CALM2: variants seen among roughly 807,000 people sequenced by gnomAD.
CALM2 encodes the protein calmodulin-2.
In CALM2, 2 loss-of-function variants were observed where a neutral mutation model predicts 19.8. That is an observed-to-expected ratio of 0.10 (90% CI 0.04 to 0.32). The LOEUF (loss-of-function observed/expected upper bound fraction) is 0.32, where lower values mean the gene tolerates loss of function less well. CALM2 is among the 10% of genes least tolerant of loss of function. The pLI, the probability that CALM2 is intolerant of heterozygous loss-of-function variation, is 1.00. For missense variants in CALM2, 38 were observed against 178.7 expected, an observed-to-expected ratio of 0.21 and a Z score of 4.49; for synonymous variants, 51 against 52.1, an observed-to-expected ratio of 0.98 and a Z score of 0.09.
At chr2:47,175,141 G>A (rs145381302) in intron 1 of CALM2, among the ~76,000 whole-genome samples, 2,903 of 139,702 alleles carry the variant, frequency 0.021, 48 homozygotes, top group Non-Finnish European at 0.032. Flanking sequence ...ACCGGAAAAT[G>A]CTTTTAAAAA....
At chr2:47,173,121 G>C (rs1466919499) in intron 1 of CALM2, 1 of 152,226 alleles carries the variant, frequency 6.6e-6, no homozygotes, top group East Asian at 1.9e-4. Context: ...CTTATCCAGA[G>C]TTCAGGTTTT....
intron 1 of CALM2, 111 bp downstream of exon 1, chr2:47,176,330 C>G: frequency 7.4e-7 from 1 of 1,359,638 alleles, no homozygotes; most frequent in Non-Finnish European, 1.0e-6. Context: ...ATCCCTCTGG[C>G]AGAAACCACT....
intron 2 of CALM2, among the ~76,000 whole-genome samples, chr2:47,166,568 A>C (rs1180515643): frequency 6.6e-6 from 1 of 152,238 alleles, no homozygotes; most frequent in Non-Finnish European, 1.5e-5. Context: ...AGGAACAAAT[A>C]ACATTTCTTT....
intron 1 of CALM2, chr2:47,171,504 G>T (rs556536104): frequency 3.9e-5 from 6 of 152,272 alleles, no homozygotes; most frequent in African/African-American, 1.4e-4. Context: ...TGGGATTGGG[G>T]CACAGAAAAT....
chr2:47,174,932 C>T (rs1361443457), intron 1 of CALM2, among the ~76,000 whole-genome samples: 1 of 152,088 alleles, frequency 6.6e-6, no homozygotes, highest in Non-Finnish European at 1.5e-5. Flanking sequence ...ATCGTCTCCC[C>T]ACACCCATAC....
chr2:47,162,740 A>G (rs1687194693), intron 2 of CALM2, 78 bp from the exon 3 acceptor site: 2 of 1,221,288 alleles, frequency 1.6e-6, no homozygotes, highest in Non-Finnish European at 2.3e-6. Context: ...ATTAACTCTT[A>G]AAGCCTACTC....
chr2:47,174,752 TAA>T (rs201317996), intron 1 of CALM2, among the ~76,000 whole-genome samples: 1 of 148,454 alleles, frequency 6.7e-6, no homozygotes, highest in East Asian at 1.9e-4. Context: ...TTCGTTTATT[TAA>T]AAAAAAAAGC....
intron 1 of CALM2, among the ~76,000 whole-genome samples, chr2:47,175,081 G>GTTTTTGTT (rs1553433852): frequency 1.3e-5 from 1 of 77,964 alleles, no homozygotes; most frequent in East Asian, 3.3e-4. Flanking sequence ...CTCATTAGGT[G>GTTTTTGTT]TTTTTTTTTT....
At chr2:47,171,765 A>C (rs914969891) in intron 1 of CALM2, 1 of 152,214 alleles carries the variant, frequency 6.6e-6, no homozygotes, top group African/African-American at 2.4e-5. Flanking sequence ...AGTCAAGTAT[A>C]CAATGATTAA....
intron 1 of CALM2, chr2:47,173,353 TAG>T: frequency 6.6e-6 from 1 of 152,300 alleles, no homozygotes; most frequent in East Asian, 1.9e-4. Context: ...AAGAATTCAC[TAG>T]AGAGATGACT....
intron 2 of CALM2, among the ~76,000 whole-genome samples, chr2:47,166,025 A>G (rs1434755554): frequency 6.6e-6 from 1 of 152,224 alleles, no homozygotes; most frequent in Non-Finnish European, 1.5e-5. Context: ...TTACTGGTTT[A>G]TAGAGGAACT....
At chr2:47,161,648 G>A (rs3729956) in intron 5 of CALM2, 75 bp downstream of exon 5, 19 of 1,385,102 alleles carry the variant, frequency 1.4e-5, no homozygotes, top group African/African-American at 1.3e-4. Context: ...CACTAATTTC[G>A]ATCAGTTCCC....
intron 1 of CALM2, among the ~76,000 whole-genome samples, chr2:47,174,559 T>C (rs1666783197): frequency 1.3e-5 from 2 of 152,088 alleles, no homozygotes; most frequent in Non-Finnish European, 1.5e-5. Context: ...TTCGACTTTG[T>C]CTCTTATAGT....
At chr2:47,172,130 G>C (rs1666689301) in intron 1 of CALM2, 1 of 97,764 alleles carries the variant, frequency 1.0e-5, no homozygotes, top group Admixed American at 1.1e-4. Context: ...TGTGAAGTCA[G>C]TCACAGATTG....
intron 5 of CALM2, 33 bp downstream of exon 5, chr2:47,161,690 G>C (rs199921656): frequency 1.9e-6 from 3 of 1,581,068 alleles, no homozygotes; most frequent in Non-Finnish European, 2.6e-6. Context: ...AAAAATCAAA[G>C]TGAAGAATGA....
chr2:47,168,865 C>A (rs1431408245), intron 2 of CALM2, among the ~76,000 whole-genome samples: 2 of 152,098 alleles, frequency 1.3e-5, no homozygotes, highest in African/African-American at 4.8e-5. Context: ...GCAACCTCTG[C>A]CTCCCAGGTT....
At chr2:47,165,787 G>A (rs1472087746) in intron 2 of CALM2, among the ~76,000 whole-genome samples, 2 of 152,118 alleles carry the variant, frequency 1.3e-5, no homozygotes, top group Admixed American at 6.5e-5. Context: ...CAAAACATAT[G>A]AAAATGAATT....
In CALM2 at chr2:47,170,783, G is replaced by A. The variant is rs768559585; in HGVS notation, c.4-19C>T. On this transcript the variant is annotated intron_variant, in intron 1 of 5. Transcript: ENST00000272298. ...GGTCAGCCTACAAAGAGATCAAAGAGGAAGGTTAGTGACTTGAGAGTATGT... is the reference window on the plus strand; with the variant it reads ...GGTCAGCCTACAAAGAGATCAAAGAAGAAGGTTAGTGACTTGAGAGTATGT... 5 of 1,610,634 alleles carry A rather than the reference G, an allele frequency of 3.1e-6. No homozygotes were observed. Among genetic ancestry groups the A allele is most frequent in the South Asian group, 2.2e-5 (2 of 91,006 alleles).
At chr2:47,176,606 G>C (rs1193203245), upstream of CALM2, 2 of 1,529,500 alleles carry the variant, frequency 1.3e-6, no homozygotes, top group Non-Finnish European at 1.8e-6. Flanking sequence ...AACGAGTCCC[G>C]GCCAACCCCC....
Sources: gnomAD v4.1 joint callset for allele counts (sites outside exome capture counted in the v4.1 genomes callset) on GRCh38, gnomAD v4.1.1 for gene constraint, MANE v1.5 for transcripts, NCBI Gene and HGNC (gene_info 2026-07-23, HGNC 2026-07-21) for gene names.